CYP2C19: variants seen among roughly 807,000 people sequenced by gnomAD.
CYP2C19 encodes the protein cytochrome P450 family 2 subfamily C member 19.
Under a neutral mutation model 40.9 loss-of-function variants are expected in CYP2C19, and 59 were observed. That is an observed-to-expected ratio of 1.44 (90% CI 1.17 to 1.79). The LOEUF (loss-of-function observed/expected upper bound fraction) is 1.79. CYP2C19 is among the 40% of genes most tolerant of loss of function. The probability of loss-of-function intolerance (pLI) is 0.00; values close to 1 mark genes in which losing one functional copy is unlikely to be tolerated. For synonymous variants in CYP2C19, 253 were observed against 208.7 expected (o/e 1.21, Z -1.83); for missense variants, 754 against 596.9 (o/e 1.26, Z -2.74).
At chr10:94,814,372 T>C (rs143159462) in intron 5 of CYP2C19, among the ~76,000 whole-genome samples, 1,707 of 152,226 alleles carry the variant, frequency 0.011, 28 homozygotes, top group African/African-American at 0.038. Flanking sequence ...TATTTCTTTA[T>C]TTTTCATGTT....
At chr10:94,774,101 G>C (rs964623853) in intron 1 of CYP2C19, 3 of 152,164 alleles carry the variant, frequency 2.0e-5, no homozygotes, top group African/African-American at 4.8e-5. Context: ...TAGCTAGAGA[G>C]AAAAGTTCTC....
Position 94,775,550 on chromosome 10 carries a change from A to G in CYP2C19, c.481+11A>G, listed in dbSNP as rs752135360. On this transcript the variant is annotated intron_variant, in intron 3 of 8. Coordinates refer to ENST00000371321, the MANE Select transcript of CYP2C19 (RefSeq NM_000769.4). Reference sequence around the variant, plus strand: ...TGAGAAAAACCAAGGGTGGGTGAACATACTCTCTATCACTGACCTTTCTGG... The same window carrying G: ...TGAGAAAAACCAAGGGTGGGTGAACGTACTCTCTATCACTGACCTTTCTGG... 1.2e-6 allele frequency: 2 copies of G among 1,613,910 alleles called. No individual in the cohort carries two copies. The highest frequency in any genetic ancestry group is 1.1e-5 in the South Asian group (1 of 91,072).
chr10:94,816,222 C>T (rs1162559712), intron 5 of CYP2C19, among the ~76,000 whole-genome samples: 1 of 151,428 alleles, frequency 6.6e-6, no homozygotes, highest in Non-Finnish European at 1.5e-5. Context: ...GCATCCACTA[C>T]ACCATACAGT....
intron 5 of CYP2C19, among the ~76,000 whole-genome samples, chr10:94,783,542 A>G (rs1848504629): frequency 6.6e-6 from 1 of 152,022 alleles, no homozygotes. Flanking sequence ...TGAAGAGGCT[A>G]TTTTTTCCTC....
chr10:94,773,571 G>T (rs1476697878), intron 1 of CYP2C19, among the ~76,000 whole-genome samples: 1 of 152,132 alleles, frequency 6.6e-6, no homozygotes, highest in Non-Finnish European at 1.5e-5. Context: ...GTGTCGAGTT[G>T]TTCATTCCTC....
chr10:94,780,780 A>T, intron 4 of CYP2C19, 121 bp downstream of exon 4: 1 of 1,072,128 alleles, frequency 9.3e-7, no homozygotes, highest in Non-Finnish European at 1.4e-6. Flanking sequence ...TTGCCTAGAC[A>T]GCCATGGGGT....
chr10:94,843,068 C>T, intron 7 of CYP2C19, 44 bp downstream of exon 7: 3 of 1,603,602 alleles, frequency 1.9e-6, no homozygotes, highest in Non-Finnish European at 2.6e-6. Flanking sequence ...TTCTTTTATT[C>T]CTCAAATTCA....
intron 5 of CYP2C19, among the ~76,000 whole-genome samples, chr10:94,797,543 G>C (rs1392003273): frequency 6.6e-6 from 1 of 151,932 alleles, no homozygotes; most frequent in Non-Finnish European, 1.5e-5. Context: ...TCTCTTGGTT[G>C]GTATAATTTC....
chr10:94,782,131 T>A, intron 5 of CYP2C19, 134 bp downstream of exon 5: 1 of 587,766 alleles, frequency 1.7e-6, no homozygotes, highest in Non-Finnish European at 2.8e-6. Context: ...TTTTATTGTA[T>A]GCATGAATAT....
rs1443151766 is a variant in CYP2C19, at chr10:94,850,054, A to T, written c.1287A>T (p.Ser429=). The T allele has an allele frequency of 1.2e-6, 2 of 1,613,224 alleles. No individual in the cohort carries two copies. Among genetic ancestry groups the T allele is most frequent in the Non-Finnish European group, 1.7e-6 (2 of 1,179,486 alleles). ...FKKSNYFMPF[S]AGKRICVGEG... is the part of the protein sequence containing the mutation. ...AAAGTAACTACTTCATGCCTTTCTC[A>T]GCAGGTAATATAAATTTATTTCCCT... The change falls in exon 8 of 9, where the codon TCA becomes TCT. Residue 429 remains serine (S), a synonymous_variant. Coordinates refer to ENST00000371321, the MANE Select transcript of CYP2C19 (RefSeq NM_000769.4).
chr10:94,797,631 T>C (rs1848707627), intron 5 of CYP2C19, among the ~76,000 whole-genome samples: 1 of 152,092 alleles, frequency 6.6e-6, no homozygotes, highest in Non-Finnish European at 1.5e-5. Context: ...ACTTTTTTTT[T>C]GGTTGGTAGG....
intron 8 of CYP2C19, among the ~76,000 whole-genome samples, chr10:94,850,972 C>T (rs1212686558): frequency 1.3e-5 from 2 of 152,062 alleles, no homozygotes; most frequent in Non-Finnish European, 2.9e-5. Flanking sequence ...TTTCTGTGAC[C>T]TTTGATGTCT....
chr10:94,830,316 G>T (rs892290253), intron 6 of CYP2C19, among the ~76,000 whole-genome samples: 4 of 152,330 alleles, frequency 2.6e-5, no homozygotes, highest in Admixed American at 1.3e-4. Flanking sequence ...GACTCCGTGG[G>T]CGTAGGACCC....
At chr10:94,775,848 A>G (rs1011539308) in intron 3 of CYP2C19, 2 of 435,836 alleles carry the variant, frequency 4.6e-6, no homozygotes, top group Non-Finnish European at 4.2e-6. Flanking sequence ...TGAAAGAGTT[A>G]AAGAGCAGTG....
At chr10:94,766,922 G>A (rs1046145267) in intron 1 of CYP2C19, among the ~76,000 whole-genome samples, 8 of 152,082 alleles carry the variant, frequency 5.3e-5, no homozygotes, top group African/African-American at 1.9e-4. Flanking sequence ...AGGTAGAGGG[G>A]AGAGATTTGA....
intron 5 of CYP2C19, among the ~76,000 whole-genome samples, chr10:94,811,741 T>A (rs1230072470): frequency 1.3e-5 from 2 of 152,124 alleles, no homozygotes; most frequent in African/African-American, 2.4e-5. Flanking sequence ...TAAATATTCC[T>A]CCATCCCTTT....
intron 6 of CYP2C19, among the ~76,000 whole-genome samples, chr10:94,835,495 G>A (rs1419276898): frequency 6.6e-6 from 1 of 152,156 alleles, no homozygotes; most frequent in Non-Finnish European, 1.5e-5. Flanking sequence ...CCCCATACTA[G>A]GGGTCCTTCT....
At chr10:94,834,637 G>T (rs1299561316) in intron 6 of CYP2C19, among the ~76,000 whole-genome samples, 2 of 151,482 alleles carry the variant, frequency 1.3e-5, no homozygotes, top group African/African-American at 2.4e-5. Flanking sequence ...AAAGGGGGTT[G>T]CCATTGCTGG....
intron 5 of CYP2C19, among the ~76,000 whole-genome samples, chr10:94,787,706 C>T (rs12767583): frequency 0.17 from 25,442 of 151,984 alleles, 2,359 homozygotes; most frequent in South Asian, 0.33. Flanking sequence ...TTTTATTCTG[C>T]GTATGGCTAG....
Sources: allele counts gnomAD v4.1 joint callset (sites outside exome capture counted in the v4.1 genomes callset), GRCh38; gene constraint gnomAD v4.1.1; transcripts MANE v1.5; gene names NCBI Gene and HGNC (gene_info 2026-07-23, HGNC 2026-07-21).